GPR137C: variants seen among roughly 807,000 people sequenced by gnomAD.
The protein encoded by GPR137C is G protein-coupled receptor 137C, also known as integral membrane protein GPR137C.
In GPR137C, 27 loss-of-function variants were observed where a neutral mutation model predicts 43.4. That is an observed-to-expected ratio of 0.62 (90% CI 0.46 to 0.86). The LOEUF (loss-of-function observed/expected upper bound fraction) is 0.86. GPR137C is among the 40% of genes least tolerant of loss of function. The pLI is 0.00. For missense variants in GPR137C, 522 were observed against 534.6 expected (o/e 0.98, Z 0.23); for synonymous variants, 285 against 226.9 (o/e 1.26, Z -2.30).
intron 1 of GPR137C, among the ~76,000 whole-genome samples, chr14:52,560,891 CTT>C (rs918530205): frequency 7.9e-5 from 12 of 152,078 alleles, no homozygotes; most frequent in African/African-American, 2.9e-4. Flanking sequence ...AAATTTAAAA[CTT>C]TTGTTTTTTG....
intron 1 of GPR137C, among the ~76,000 whole-genome samples, chr14:52,572,269 CCAAA>C (rs1284389098): frequency 6.6e-6 from 1 of 152,170 alleles, no homozygotes; most frequent in Non-Finnish European, 1.5e-5. Context: ...CATCCTGATA[CCAAA>C]ACCTGGCAGA....
intron 1 of GPR137C, among the ~76,000 whole-genome samples, chr14:52,578,597 TA>T: frequency 6.6e-6 from 1 of 152,172 alleles, no homozygotes; most frequent in East Asian, 1.9e-4. Flanking sequence ...TCTCTTTTAT[TA>T]AAGACTTTTG....
intron 3 of GPR137C, among the ~76,000 whole-genome samples, chr14:52,626,798 G>T (rs907195016): frequency 4.6e-5 from 7 of 151,944 alleles, no homozygotes; most frequent in Non-Finnish European, 8.8e-5. Flanking sequence ...CAAACAAATT[G>T]TATTTTTATA....
chr14:52,573,866 C>G (rs924305198), intron 1 of GPR137C, among the ~76,000 whole-genome samples: 11 of 152,010 alleles, frequency 7.2e-5, no homozygotes, highest in African/African-American at 2.4e-4. Flanking sequence ...GGAACTTATA[C>G]AAATTTATAA....
At chr14:52,610,386 A>G (rs2039025891) in intron 3 of GPR137C, among the ~76,000 whole-genome samples, 2 of 152,144 alleles carry the variant, frequency 1.3e-5, no homozygotes, top group African/African-American at 4.8e-5. Flanking sequence ...CCTTTCCACG[A>G]TTTCAGTTAC....
chr14:52,627,363 A>C (rs938913538), intron 3 of GPR137C, among the ~76,000 whole-genome samples: 2 of 152,188 alleles, frequency 1.3e-5, no homozygotes, highest in Non-Finnish European at 2.9e-5. Context: ...AAAGCACTTC[A>C]GTCTGGGTGA....
At chr14:52,566,189 C>A (rs2038367052) in intron 1 of GPR137C, among the ~76,000 whole-genome samples, 1 of 152,088 alleles carries the variant, frequency 6.6e-6, no homozygotes, top group African/African-American at 2.4e-5. Flanking sequence ...CAAATTTGTA[C>A]CTTCTCTTCT....
Position 52,553,073 on chromosome 14 carries a change from C to T in GPR137C, c.-75C>T. The T allele has an allele frequency of 2.5e-6, 2 of 793,804 alleles. No individual in the cohort carries two copies. Among genetic ancestry groups the T allele is most frequent in the Middle Eastern group, 5.1e-4 (1 of 1,962 alleles). 49.2% of individuals were successfully genotyped at this position (793,804 alleles called of 1,614,324 possible). ...GTGGGTGGGGGGTAAGGGGGCAGTCCTTCTCCCCTTCGACGGCGGCTCCGA... is the reference window on the plus strand; with the variant it reads ...GTGGGTGGGGGGTAAGGGGGCAGTCTTTCTCCCCTTCGACGGCGGCTCCGA... On this transcript the variant is annotated 5_prime_UTR_variant, in exon 1 of 7. Transcript: ENST00000321662.
At chr14:52,581,441 CA>C (rs2038645529) in intron 1 of GPR137C, among the ~76,000 whole-genome samples, 1 of 150,026 alleles carries the variant, frequency 6.7e-6, no homozygotes, top group Non-Finnish European at 1.5e-5. Flanking sequence ...GAGGCTGAGG[CA>C]GGAGAATTGT....
At chr14:52,604,737 C>T (rs1014424431) in intron 3 of GPR137C, among the ~76,000 whole-genome samples, 6 of 152,136 alleles carry the variant, frequency 3.9e-5, no homozygotes, top group Non-Finnish European at 5.9e-5. Context: ...CATGAGCCAT[C>T]GCGCACAGCC....
chr14:52,617,855 A>G (rs1036273634), intron 3 of GPR137C, among the ~76,000 whole-genome samples: 1 of 152,182 alleles, frequency 6.6e-6, no homozygotes, highest in Non-Finnish European at 1.5e-5. Flanking sequence ...GGTTGCTATG[A>G]GGATAAGAGC....
In GPR137C at chr14:52,634,931, G is replaced by C. The variant is rs1377094650; in HGVS notation, c.1113-7G>C. 1 of 1,601,762 alleles carries C rather than the reference G, an allele frequency of 6.2e-7. No homozygotes were observed. Among genetic ancestry groups the C allele is most frequent in the Non-Finnish European group, 8.5e-7 (1 of 1,176,028 alleles). On this transcript the variant is annotated splice_polypyrimidine_tract_variant and splice_region_variant and intron_variant, in intron 6 of 6. Coordinates refer to ENST00000321662, the MANE Select transcript of GPR137C (RefSeq NM_001099652.2). Reference sequence around the variant, plus strand: ...CCTATGGTCTTTTTGCCTTTTTTTTGTTGCAGTTTACCAAATTCGCAAAGT... The same window carrying C: ...CCTATGGTCTTTTTGCCTTTTTTTTCTTGCAGTTTACCAAATTCGCAAAGT...
chr14:52,577,799 C>CAAAAAA (rs564080315), intron 1 of GPR137C, among the ~76,000 whole-genome samples: 16 of 104,228 alleles, frequency 1.5e-4, no homozygotes, highest in East Asian at 8.1e-4. Context: ...ACCATCTCTA[C>CAAAAAA]AAAAAAAAAA....
Position 52,625,119 on chromosome 14 carries a change from G to A in GPR137C, c.718-7041G>A, listed in dbSNP as rs554975034. ...GAAATTTCTCAAAACTGCAGCTCCA[G>A]ATGATTTCACTGGTTAATTCATCAA... On this transcript the variant is annotated intron_variant, in intron 3 of 6. Transcript: ENST00000321662. 2.6e-5 allele frequency among the ~76,000 whole-genome samples: 4 copies of A among 152,278 alleles called. No individual in the cohort carries two copies. In the South Asian group the frequency reaches 8.3e-4, roughly 32 times the overall value.
intron 1 of GPR137C, among the ~76,000 whole-genome samples, chr14:52,568,361 G>A (rs528588965): frequency 3.4e-4 from 52 of 152,268 alleles, no homozygotes; most frequent in African/African-American, 1.2e-3. Flanking sequence ...TGGGTTTCAA[G>A]CACAAAACTG....
Position 52,633,840 on chromosome 14 carries a change from A to G in GPR137C, c.1006A>G (p.Met336Val). ...RLNQNLAPAG[M>V]INSHSYSSRA... ...ACTTTGTTCACAGGCACCTGCTGGC[A>G]TGATAAATAGTCACAGTTATAGTTC... Residue 336 changes from methionine (M) to valine (V), a missense_variant, in exon 6 of 7, where the codon ATG becomes GTG. This residue lies in a region of GPR137C where 437 missense variants were observed against 425.7 expected (regional missense o/e 1.03). Transcript: ENST00000321662. 2.5e-6 allele frequency: 4 copies of G among 1,611,198 alleles called. No individual in the cohort carries two copies. The highest frequency in any genetic ancestry group is 3.4e-6 in the Non-Finnish European group (4 of 1,177,568).
At chr14:52,624,351 A>G (rs1427508444) in intron 3 of GPR137C, among the ~76,000 whole-genome samples, 4 of 152,176 alleles carry the variant, frequency 2.6e-5, no homozygotes, top group Non-Finnish European at 5.9e-5. Context: ...TAAATAATAT[A>G]TTAGAACATA....
chr14:52,574,039 G>A (rs1266609240), intron 1 of GPR137C, among the ~76,000 whole-genome samples: 1 of 152,190 alleles, frequency 6.6e-6, no homozygotes, highest in East Asian at 1.9e-4. Flanking sequence ...ATGCCAGTTA[G>A]AATGGCAATC....
chr14:52,618,867 C>T (rs550590214), intron 3 of GPR137C, among the ~76,000 whole-genome samples: 2 of 148,198 alleles, frequency 1.3e-5, no homozygotes, highest in Admixed American at 1.3e-4. Flanking sequence ...TCTGAAAGAC[C>T]AATCAAAGAA....
Sources: gnomAD v4.1 joint callset for allele counts (sites outside exome capture counted in the v4.1 genomes callset) on GRCh38, gnomAD v4.1.1 for gene constraint, gnomAD v4.1.1 regional missense constraint, MANE v1.5 for transcripts, NCBI Gene and HGNC (gene_info 2026-07-23, HGNC 2026-07-21) for gene names.